The following DNAAF9 variants were observed in gnomAD, a reference collection of about 807,000 sequenced individuals.
The protein encoded by DNAAF9 is dynein axonemal assembly factor 9.
DNAAF9 carries 90 observed loss-of-function variants against 167.0 expected under a neutral mutation model. The ratio of observed to expected loss-of-function variants is 0.54; its 90% confidence interval spans 0.45 to 0.64. DNAAF9 has a LOEUF of 0.64. DNAAF9 is among the 30% of genes least tolerant of loss of function. DNAAF9 has a pLI of 0.00. For synonymous variants in DNAAF9, 491 were observed against 508.8 expected (o/e 0.96, Z 0.47); for missense variants, 1,315 against 1,442.2 (o/e 0.91, Z 1.43).
chr20:3,388,644 T>C, intron 1 of DNAAF9, among the ~76,000 whole-genome samples: 1 of 152,214 alleles, frequency 6.6e-6, no homozygotes, highest in East Asian at 1.9e-4. Context: ...TGCTACAATA[T>C]GGATTAACCT....
At position 3,324,842 on chromosome 20, in the gene DNAAF9, C is replaced by T. The variant is rs766700423; in HGVS notation, c.1265+50G>A. ...AAATTATAAGGGAAAAAAGAATATTCCAAAACGAAGAAAAAAAATTCCTTA... is the reference window on the plus strand; with the variant it reads ...AAATTATAAGGGAAAAAAGAATATTTCAAAACGAAGAAAAAAAATTCCTTA... On this transcript the variant is annotated intron_variant, in intron 14 of 36. Transcript: ENST00000252032. The T allele has an allele frequency of 4.3e-6, 4 of 926,410 alleles. No individual in the cohort carries two copies. In the African/African-American group the frequency reaches 6.6e-5, roughly 15 times the overall value. The allele number at this position is 926,410 out of a possible 1,614,324, so 57.4% of individuals were successfully genotyped here.
chr20:3,334,668 G>A (rs1289758190), intron 10 of DNAAF9, among the ~76,000 whole-genome samples: 3 of 152,094 alleles, frequency 2.0e-5, no homozygotes, highest in South Asian at 2.1e-4. Flanking sequence ...CATTCCCACC[G>A]GCAATAAATC....
At chr20:3,359,615 T>C (rs556859654) in intron 6 of DNAAF9, 22 bp from the exon 7 acceptor site, 36 of 1,529,014 alleles carry the variant, frequency 2.4e-5, no homozygotes, top group African/African-American at 9.6e-5. Context: ...GGCAAAAACA[T>C]TGAAATAATT....
Position 3,340,541 on chromosome 20 carries a change from C to T in DNAAF9, c.944G>A (p.Arg315Gln), listed in dbSNP as rs375863880. ...AAAGCTCCCGCCGGGACCAGTGCTT[C>T]GTACCAGATGTCCTTCAGAAGGGAA... ...FNFPSEGHLV[R>Q]STGPGGSFAK... Residue 315 changes from arginine (R) to glutamine (Q), a missense_variant, in exon 10 of 37, where the codon CGA (arginine) becomes CAA (glutamine). By Grantham distance (43) the Arg-to-Gln change is conservative (BLOSUM62 1). Around this residue, in one of 2 missense-constraint regions of DNAAF9, gnomAD observed 981 missense variants for 1,012.5 expected, o/e 0.97. Coordinates refer to ENST00000252032, the MANE Select transcript of DNAAF9 (RefSeq NM_001009984.3). The T allele has an allele frequency of 1.2e-6, 2 of 1,611,170 alleles. No individual in the cohort carries two copies. Among genetic ancestry groups the T allele is most frequent in the Non-Finnish European group, 1.7e-6 (2 of 1,178,996 alleles).
intron 1 of DNAAF9, among the ~76,000 whole-genome samples, chr20:3,404,620 G>A (rs1338897823): frequency 6.6e-6 from 1 of 152,088 alleles, no homozygotes; most frequent in African/African-American, 2.4e-5. Flanking sequence ...GATTTCTACT[G>A]TTACTGTCTC....
At chr20:3,269,366 G>A (rs1434757586) in intron 30 of DNAAF9, among the ~76,000 whole-genome samples, 1 of 151,998 alleles carries the variant, frequency 6.6e-6, no homozygotes, top group Non-Finnish European at 1.5e-5. Context: ...GCACAACCAT[G>A]CTGGCTGTTT....
chr20:3,355,161 T>G (rs1276138672), intron 7 of DNAAF9, among the ~76,000 whole-genome samples: 1 of 152,266 alleles, frequency 6.6e-6, no homozygotes, highest in Non-Finnish European at 1.5e-5. Flanking sequence ...TTACATTCTC[T>G]GTATATTTGT....
chr20:3,393,551 A>G (rs1273193419), intron 1 of DNAAF9, among the ~76,000 whole-genome samples: 1 of 152,074 alleles, frequency 6.6e-6, no homozygotes, highest in African/African-American at 2.4e-5. Flanking sequence ...ATCAAATAAA[A>G]CTGTTGTACT....
chr20:3,296,238 T>G, intron 23 of DNAAF9: 1 of 480,758 alleles, frequency 2.1e-6, no homozygotes, highest in Non-Finnish European at 4.1e-6. Context: ...CACTGCACTC[T>G]ACCCGGGGTG....
intron 30 of DNAAF9, 131 bp downstream of exon 30, chr20:3,270,296 C>A: frequency 5.0e-6 from 4 of 801,946 alleles, no homozygotes; most frequent in Non-Finnish European, 8.3e-6. Context: ...GTGCGTGCCA[C>A]CGCACCTGGC....
chr20:3,305,255 A>G (rs2069270158), intron 20 of DNAAF9, among the ~76,000 whole-genome samples: 1 of 152,204 alleles, frequency 6.6e-6, no homozygotes, highest in African/African-American at 2.4e-5. Context: ...AAGATGACAA[A>G]GATTAATGCT....
chr20:3,368,984 C>T (rs1238033480), intron 6 of DNAAF9, among the ~76,000 whole-genome samples: 1 of 152,010 alleles, frequency 6.6e-6, no homozygotes, highest in Non-Finnish European at 1.5e-5. Flanking sequence ...ACAAAATTAG[C>T]CAGGCATGGT....
chr20:3,305,927 G>A (rs2069284001), intron 20 of DNAAF9, among the ~76,000 whole-genome samples: 1 of 152,094 alleles, frequency 6.6e-6, no homozygotes, highest in Admixed American at 6.5e-5. Context: ...GAGGCCCTCT[G>A]AAAAGGAGGC....
At chr20:3,257,812 C>T (rs1371748736) in intron 33 of DNAAF9, among the ~76,000 whole-genome samples, 1 of 152,152 alleles carries the variant, frequency 6.6e-6, no homozygotes, top group Non-Finnish European at 1.5e-5. Flanking sequence ...TCAAGTGATT[C>T]TCCTGTCTCA....
chr20:3,262,399 T>C (rs6051691), intron 31 of DNAAF9, among the ~76,000 whole-genome samples: 37,909 of 151,708 alleles, frequency 0.25, 5,326 homozygotes, highest in African/African-American at 0.37. Flanking sequence ...TACAGGTGCC[T>C]GCCACCATGC....
At chr20:3,356,817 G>C (rs1247828061) in intron 7 of DNAAF9, among the ~76,000 whole-genome samples, 1 of 151,996 alleles carries the variant, frequency 6.6e-6, no homozygotes, top group Non-Finnish European at 1.5e-5. Context: ...GACATGTCAT[G>C]TTATGACCAA....
intron 16 of DNAAF9, among the ~76,000 whole-genome samples, chr20:3,320,109 C>T (rs939286670): frequency 2.6e-5 from 4 of 152,166 alleles, no homozygotes; most frequent in African/African-American, 9.7e-5. Flanking sequence ...ATGTACTTCC[C>T]ACCATGTGGC....
At chr20:3,393,439 G>A (rs573105530) in intron 1 of DNAAF9, among the ~76,000 whole-genome samples, 2 of 152,056 alleles carry the variant, frequency 1.3e-5, no homozygotes, top group African/African-American at 4.8e-5. Flanking sequence ...TTGAGCCCAG[G>A]AGGTTGAGGC....
chr20:3,325,405 G>C (rs1278325151), intron 13 of DNAAF9, among the ~76,000 whole-genome samples: 2 of 152,182 alleles, frequency 1.3e-5, no homozygotes, highest in African/African-American at 2.4e-5. Flanking sequence ...AAAAAACAAA[G>C]ATGTGAGAAC....
Sources: gnomAD v4.1 joint callset for allele counts (sites outside exome capture counted in the v4.1 genomes callset) on GRCh38, gnomAD v4.1.1 for gene constraint, gnomAD v4.1.1 regional missense constraint, MANE v1.5 for transcripts, NCBI Gene and HGNC (gene_info 2026-07-23, HGNC 2026-07-21) for gene names.